ODAD2: variants seen among roughly 807,000 people sequenced by gnomAD.
ODAD2 encodes outer dynein arm-docking complex subunit 2.
ODAD2 carries 89 observed loss-of-function variants against 106.8 expected under a neutral mutation model. That is an observed-to-expected ratio of 0.83 (90% CI 0.70 to 0.99). The LOEUF is 0.99. Among genes scored for constraint, ODAD2 ranks in the 50% least tolerant of loss-of-function variants. The pLI is 0.00. For synonymous variants in ODAD2, 404 were observed against 436.2 expected, an observed-to-expected ratio of 0.93 and a Z score of 0.92; for missense variants, 1,168 against 1,238.5, an observed-to-expected ratio of 0.94 and a Z score of 0.85.
intron 16 of ODAD2, among the ~76,000 whole-genome samples, chr10:27,920,521 T>C (rs1426500690): frequency 3.9e-5 from 6 of 152,128 alleles, no homozygotes; most frequent in Non-Finnish European, 8.8e-5. Context: ...TGTTTTAAAA[T>C]GAGAAAACCA....
At chr10:27,972,535 T>C (rs1848927342) in intron 7 of ODAD2, among the ~76,000 whole-genome samples, 1 of 152,160 alleles carries the variant, frequency 6.6e-6, no homozygotes, top group Admixed American at 6.5e-5. Flanking sequence ...AAAGAAACTA[T>C]TTTATATATA....
At chr10:27,885,508 TCAAAA>T (rs1842019957) in intron 17 of ODAD2, among the ~76,000 whole-genome samples, 2 of 6,362 alleles carry the variant, frequency 3.1e-4, no homozygotes, top group African/African-American at 6.2e-4. Flanking sequence ...AGACTCCATC[TCAAAA>T]AAAAAAAAAA....
At chr10:27,917,901 CA>C (rs1251292359) in intron 16 of ODAD2, among the ~76,000 whole-genome samples, 1 of 151,482 alleles carries the variant, frequency 6.6e-6, no homozygotes, top group African/African-American at 2.4e-5. Flanking sequence ...AAGGATATTG[CA>C]ATAATTTTAG....
At chr10:27,849,828 T>C (rs1419730812) in intron 19 of ODAD2, among the ~76,000 whole-genome samples, 1 of 152,230 alleles carries the variant, frequency 6.6e-6, no homozygotes, top group Non-Finnish European at 1.5e-5. Flanking sequence ...CCAAGTGCAG[T>C]AATTTTCAAT....
At chr10:27,850,475 T>G (rs1320069481) in intron 19 of ODAD2, among the ~76,000 whole-genome samples, 1 of 148,992 alleles carries the variant, frequency 6.7e-6, no homozygotes, top group African/African-American at 2.5e-5. Context: ...AAGAATCACT[T>G]GAACGTGGGA....
intron 16 of ODAD2, among the ~76,000 whole-genome samples, chr10:27,921,711 T>C (rs1278147628): frequency 1.4e-5 from 2 of 146,740 alleles, no homozygotes; most frequent in Non-Finnish European, 3.0e-5. Flanking sequence ...AATTATTAGA[T>C]TACAAAGATA....
chr10:27,872,408 G>A (rs1365558942), intron 17 of ODAD2, among the ~76,000 whole-genome samples: 1 of 151,860 alleles, frequency 6.6e-6, no homozygotes, highest in Non-Finnish European at 1.5e-5. Context: ...TAGCAGGGGT[G>A]AGAGAGGGCA....
intron 16 of ODAD2, among the ~76,000 whole-genome samples, chr10:27,920,602 G>T (rs750811843): frequency 6.6e-6 from 1 of 152,140 alleles, no homozygotes; most frequent in South Asian, 2.1e-4. Context: ...TTAAATCTAC[G>T]TGCTTTAAAA....
At chr10:27,970,325 T>C (rs1564562875) in intron 8 of ODAD2, among the ~76,000 whole-genome samples, 5 of 152,128 alleles carry the variant, frequency 3.3e-5, no homozygotes, top group Admixed American at 3.3e-4. Context: ...AGCCTTTTCA[T>C]GGTATTAAAG....
intron 2 of ODAD2, among the ~76,000 whole-genome samples, chr10:27,988,770 G>A (rs1322741124): frequency 6.6e-6 from 1 of 152,056 alleles, no homozygotes; most frequent in African/African-American, 2.4e-5. Flanking sequence ...TAAGAGGATA[G>A]GAACTAGGGG....
intron 16 of ODAD2, among the ~76,000 whole-genome samples, chr10:27,917,204 A>C (rs533845657): frequency 2.3e-4 from 35 of 152,272 alleles, no homozygotes; most frequent in Admixed American, 6.5e-4. Context: ...TGTGGTTTTA[A>C]ACTAGAAATC....
At chr10:27,870,351 T>C (rs1360555723) in intron 17 of ODAD2, among the ~76,000 whole-genome samples, 1 of 152,156 alleles carries the variant, frequency 6.6e-6, no homozygotes, top group African/African-American at 2.4e-5. Context: ...GTTATTTTCT[T>C]TTTTAATATT....
rs765777908 is a variant in ODAD2 at position 27,995,109 on chromosome 10, T to A, written c.34A>T (p.Thr12Ser). The A allele has an allele frequency of 6.8e-6, 11 of 1,614,100 alleles. No individual in the cohort carries two copies. In the South Asian group the frequency reaches 1.1e-4, roughly 16 times the overall value. ...GVALRKLTQWTAAGHGTGILE... is the reference protein window; with the variant it reads ...GVALRKLTQWSAAGHGTGILE... Reference sequence around the variant, plus strand: ...ATTCCAGTTCCATGTCCGGCAGCAGTCCACTGCGTCAATTTCCTCAGAGCC... The same window carrying A: ...ATTCCAGTTCCATGTCCGGCAGCAGACCACTGCGTCAATTTCCTCAGAGCC... The change falls in exon 2 of 20, where the codon ACT becomes TCT. Residue 12 changes from threonine (T) to serine (S), a missense_variant. This residue lies in a region of ODAD2 where 430 missense variants were observed against 452.2 expected (regional missense o/e 0.95). Transcript: ENST00000305242.
chr10:27,914,621 T>C (rs1844235271), intron 16 of ODAD2, among the ~76,000 whole-genome samples: 2 of 152,124 alleles, frequency 1.3e-5, no homozygotes, highest in Admixed American at 1.3e-4. Flanking sequence ...AATTTGTGGT[T>C]ATCTCCTCTG....
intron 7 of ODAD2, among the ~76,000 whole-genome samples, chr10:27,974,594 C>T (rs1849067926): frequency 1.3e-5 from 2 of 151,182 alleles, no homozygotes; most frequent in Admixed American, 1.3e-4. Context: ...TATGTGTCTT[C>T]TTTATATGCC....
At chr10:27,871,850 G>C (rs914564672) in intron 17 of ODAD2, among the ~76,000 whole-genome samples, 3 of 152,042 alleles carry the variant, frequency 2.0e-5, no homozygotes, top group Non-Finnish European at 4.4e-5. Flanking sequence ...GTCTTTTTTG[G>C]TTCCACATGA....
chr10:27,978,302 G>A (rs1392877615), intron 7 of ODAD2, among the ~76,000 whole-genome samples: 1 of 152,156 alleles, frequency 6.6e-6, no homozygotes, highest in Non-Finnish European at 1.5e-5. Flanking sequence ...CCAAAGAGGG[G>A]AAAAAGCCAA....
intron 8 of ODAD2, among the ~76,000 whole-genome samples, chr10:27,969,360 T>A (rs992894502): frequency 2.0e-5 from 3 of 152,226 alleles, no homozygotes; most frequent in Non-Finnish European, 4.4e-5. Context: ...CCACCCAACG[T>A]TGCAACAGGG....
intron 16 of ODAD2, among the ~76,000 whole-genome samples, chr10:27,930,908 C>A (rs1352435778): frequency 2.6e-5 from 4 of 152,152 alleles, no homozygotes; most frequent in African/African-American, 9.7e-5. Flanking sequence ...TTTTGTGTTA[C>A]AATCTGGCAA....
Sources: gnomAD v4.1 joint callset for allele counts (sites outside exome capture counted in the v4.1 genomes callset) on GRCh38, gnomAD v4.1.1 for gene constraint, gnomAD v4.1.1 regional missense constraint, MANE v1.5 for transcripts, NCBI Gene and HGNC (gene_info 2026-07-23, HGNC 2026-07-21) for gene names.